YOD1: variants seen among roughly 807,000 people sequenced by gnomAD.
YOD1 encodes ubiquitin thioesterase OTU1.
Under a neutral mutation model 23.7 loss-of-function variants are expected in YOD1, and 17 were observed. The ratio of observed to expected loss-of-function variants is 0.72; its 90% CI spans 0.49 to 1.07. The LOEUF is 1.07. YOD1 is among the 50% of genes least tolerant of loss of function. The pLI, the probability that YOD1 is intolerant of heterozygous loss-of-function variation, is 0.00. For missense variants in YOD1, 413 were observed against 447.2 expected (o/e 0.92, Z 0.69); for synonymous variants, 191 against 169.6 (o/e 1.13, Z -0.98).
At chr1:207,050,580 G>GC (rs1178261956) in intron 1 of YOD1, 108 bp downstream of exon 1, 29 of 1,468,966 alleles carry the variant, frequency 2.0e-5, no homozygotes, top group African/African-American at 2.8e-5. Flanking sequence ...TGGCCTCAAA[G>GC]CCCCCCCGCC....
rs1682533154 is a variant in YOD1 at position 207,043,986 on chromosome 1, G to C, written c.*5034C>G. On this transcript the variant is annotated 3_prime_UTR_variant, in exon 2 of 2. Transcript: ENST00000315927. ...TCACATAAGAGTTGTAGAAAATGAA[G>C]TTAGACATCTTCCAGGTAGCAGCAG... The C allele has an allele frequency of 1.3e-5, 2 of 152,596 alleles. No homozygotes were observed. The highest frequency in any genetic ancestry group is 4.8e-5 in the African/African-American group (2 of 41,456). The allele number at this position is 152,596 out of a possible 1,614,324, so 9.5% of individuals were successfully genotyped here. A position where few individuals can be genotyped will look rare whatever the true frequency, so the allele number is the denominator to read the frequency against.
intron 1 of YOD1, 90 bp downstream of exon 1, chr1:207,050,598 A>AG (rs1415101976): frequency 6.4e-7 from 1 of 1,560,842 alleles, no homozygotes; most frequent in Non-Finnish European, 8.7e-7. Context: ...GCCGACTCAC[A>AG]GCCACCTTGC....
chr1:207,052,625 C>T (rs1432393530), upstream of YOD1, among the ~76,000 whole-genome samples: 1 of 152,144 alleles, frequency 6.6e-6, no homozygotes, highest in South Asian at 2.1e-4. Flanking sequence ...GCACTCCAGC[C>T]TGGGCAACAA....
chr1:207,049,628 G>A lies in YOD1; in HGVS notation c.439C>T (p.Pro147Ser), dbSNP rs767665086. The change falls in exon 2 of 2, where the codon CCT (proline) becomes TCT (serine). Residue 147 changes from proline (P) to serine (S), a missense_variant. Physicochemically the swap from Pro to Ser is moderately conservative, Grantham distance 74. Transcript: ENST00000315927. ...GASSYVRETL[P>S]VLTRTVVPAD... ...GGGACCACGGTTCTGGTAAGCACAG[G>A]CAAAGTTTCCCTGACGTAACTAGAA... 2.5e-6 allele frequency: 4 copies of A among 1,614,152 alleles called. No individual in the cohort carries two copies. The highest frequency in any genetic ancestry group is 1.7e-6 in the Non-Finnish European group (2 of 1,180,036).
chr1:207,052,182 C>T (rs1682768564), upstream of YOD1: 6 of 1,612,604 alleles, frequency 3.7e-6, no homozygotes, highest in African/African-American at 2.7e-5. Context: ...GGTGCAAACT[C>T]ACCTCCACTG....
chr1:207,051,241 C>T (rs950586700), upstream of YOD1, among the ~76,000 whole-genome samples: 1 of 152,106 alleles, frequency 6.6e-6, no homozygotes, highest in African/African-American at 2.4e-5. Context: ...CATATATGCT[C>T]AAGAAAAGAG....
chr1:207,051,150 G>T lies in YOD1; in HGVS notation c.-120C>A. 1 of 1,421,110 alleles carries T rather than the reference G, an allele frequency of 7.0e-7. No homozygotes were observed. The highest frequency in any genetic ancestry group is 9.2e-7 in the Non-Finnish European group (1 of 1,092,714). The allele number at this position is 1,421,110 out of a possible 1,614,324, so 88.0% of individuals were successfully genotyped here. A position where few individuals can be genotyped will look rare whatever the true frequency, so the allele number is the denominator to read the frequency against. On this transcript the variant is annotated 5_prime_UTR_variant, in exon 1 of 2. Coordinates refer to ENST00000315927, the MANE Select transcript of YOD1 (RefSeq NM_018566.4). ...CTGATTTTTCCCCCACCCTCAGAAC[G>T]AAGATGTAAACCTCCGTATTCCTAA...
Position 207,049,315 on chromosome 1 carries a change from TC to T in YOD1, c.751del (p.Glu251LysfsTer33). ...TQTVRIDRFG[E>X]DAGYTKRVLL... Reference sequence around the variant, plus strand: ...AACCCTTTTGGTATATCCTGCATCTTCCCCAAAACGATCAATTCTTACTGTC... The same window carrying T: ...AACCCTTTTGGTATATCCTGCATCTTCCCAAAACGATCAATTCTTACTGTC... On this transcript the variant is annotated frameshift_variant, in exon 2 of 2. Coordinates refer to ENST00000315927, the MANE Select transcript of YOD1 (RefSeq NM_018566.4). LOFTEE classifies it high-confidence loss of function. 6.2e-7 allele frequency: 1 copy of T among 1,614,104 alleles called. No individual in the cohort carries two copies. The highest frequency in any genetic ancestry group is 8.5e-7 in the Non-Finnish European group (1 of 1,180,022).
chr1:207,051,204 C>T lies in YOD1; in HGVS notation c.-174G>A, dbSNP rs1415631744. On this transcript the variant is annotated 5_prime_UTR_variant, in exon 1 of 2. Transcript: ENST00000315927. Reference sequence around the variant, plus strand: ...ACAACGGGTCTTGCTACCTATAGAGCGAGTGAGGTGCCCTCCGCGTGGGTA... The same window carrying T: ...ACAACGGGTCTTGCTACCTATAGAGTGAGTGAGGTGCCCTCCGCGTGGGTA... 5 of 1,275,118 alleles carry T rather than the reference C, an allele frequency of 3.9e-6. No individual in the cohort carries two copies. In the African/African-American group the frequency reaches 7.7e-5, roughly 20 times the overall value. The allele number at this position is 1,275,118 out of a possible 1,614,324, so 79.0% of individuals were successfully genotyped here.
rs1480680924 is a variant in YOD1 at position 207,044,437 on chromosome 1, A to G, written c.*4583T>C. Reference sequence around the variant, plus strand: ...TAAGTAACTTACGGGCTAATTACATAGCCTATACCAGTTTATAAAGTAGAC... The same window carrying G: ...TAAGTAACTTACGGGCTAATTACATGGCCTATACCAGTTTATAAAGTAGAC... On this transcript the variant is annotated 3_prime_UTR_variant, in exon 2 of 2. Transcript: ENST00000315927. 2 of 152,580 alleles carry G rather than the reference A, an allele frequency of 1.3e-5. No homozygotes were observed. The highest frequency in any genetic ancestry group is 2.9e-5 in the Non-Finnish European group (2 of 67,976). The allele number at this position is 152,580 out of a possible 1,614,324, so 9.5% of individuals were successfully genotyped here. A position where few individuals can be genotyped will look rare whatever the true frequency, so the allele number is the denominator to read the frequency against.
chr1:207,048,957 T>C lies in YOD1; in HGVS notation c.*63A>G, dbSNP rs1682663942. 2.0e-6 allele frequency: 3 copies of C among 1,465,864 alleles called. No individual in the cohort carries two copies. Among genetic ancestry groups the C allele is most frequent in the South Asian group, 1.3e-5 (1 of 77,082 alleles). The allele number at this position is 1,465,864 out of a possible 1,614,324, so 90.8% of individuals were successfully genotyped here. ...GTTCTTTAGGGTTACCATAGCTTAT[T>C]GGAAAACCCAGAGCCTTCTGGATGT... On this transcript the variant is annotated 3_prime_UTR_variant, in exon 2 of 2. Transcript: ENST00000315927.
In YOD1 at chr1:207,048,976, T is replaced by G; in HGVS notation, c.*44A>C. Reference sequence around the variant, plus strand: ...GCTTATTGGAAAACCCAGAGCCTTCTGGATGTGTGAGGTAGTAGGCTTCAA... The same window carrying G: ...GCTTATTGGAAAACCCAGAGCCTTCGGGATGTGTGAGGTAGTAGGCTTCAA... On this transcript the variant is annotated 3_prime_UTR_variant, in exon 2 of 2. Coordinates refer to ENST00000315927, the MANE Select transcript of YOD1 (RefSeq NM_018566.4). The G allele has an allele frequency of 2.6e-6, 4 of 1,558,398 alleles. 1 individual carries two copies. Among genetic ancestry groups the G allele is most frequent in the Non-Finnish European group, 3.5e-6 (4 of 1,144,788 alleles).
At position 207,049,558 on chromosome 1, in the gene YOD1, T is replaced by TCGA; in HGVS notation, c.506_508dup (p.Val169dup). The TCGA allele has an allele frequency of 1.2e-6, 2 of 1,614,202 alleles. No homozygotes were observed. The highest frequency in any genetic ancestry group is 1.7e-6 in the Non-Finnish European group (2 of 1,180,046). The stretch of plus-strand genomic sequence containing the variant: ...ACAAGCTGGATTCAAGACTCCTCCT[T>TCGA]CGACGACATAGTACACACTAGTAAA... On this transcript the variant is annotated inframe_insertion, in exon 2 of 2. Transcript: ENST00000315927.
Position 207,051,087 on chromosome 1 carries a change from T to C in YOD1, c.-57A>G, listed in dbSNP as rs1194437048. 4 of 1,444,734 alleles carry C rather than the reference T, an allele frequency of 2.8e-6. No individual in the cohort carries two copies. Among genetic ancestry groups the C allele is most frequent in the Admixed American group, 5.6e-5 (2 of 35,914 alleles). 89.5% of individuals were successfully genotyped at this position (1,444,734 alleles called of 1,614,324 possible). A position where few individuals can be genotyped will look rare whatever the true frequency, so the allele number is the denominator to read the frequency against. On this transcript the variant is annotated 5_prime_UTR_variant, in exon 1 of 2. Coordinates refer to ENST00000315927, the MANE Select transcript of YOD1 (RefSeq NM_018566.4). The stretch of plus-strand genomic sequence containing the variant: ...CGACGCTTCGGTGCGGCTTCTGCCT[T>C]AGTACCTTAGCAAGCGCGAACTCTT...
chr1:207,048,167 T>C lies in YOD1; in HGVS notation c.*853A>G, dbSNP rs985578426. ...TGCTTAACTTTAAAATGTTATCCAA[T>C]GTGACAAAGACCAATACATGAATTG... On this transcript the variant is annotated 3_prime_UTR_variant, in exon 2 of 2. Coordinates refer to ENST00000315927, the MANE Select transcript of YOD1 (RefSeq NM_018566.4). 2.7e-4 allele frequency: 41 copies of C among 152,650 alleles called. No homozygotes were observed. The highest frequency in any genetic ancestry group is 8.4e-4 in the African/African-American group (35 of 41,462). The allele number at this position is 152,650 out of a possible 1,614,324, so 9.5% of individuals were successfully genotyped here. A position where few individuals can be genotyped will look rare whatever the true frequency, so the allele number is the denominator to read the frequency against.
At position 207,050,778 on chromosome 1, in the gene YOD1, C is replaced by A. The variant is rs568508283; in HGVS notation, c.253G>T (p.Gly85Cys). The A allele has an allele frequency of 8.2e-5, 132 of 1,613,320 alleles. No individual in the cohort carries two copies. Among genetic ancestry groups the A allele is most frequent in the Non-Finnish European group, 9.7e-5 (115 of 1,180,014 alleles). The stretch of plus-strand genomic sequence containing the variant: ...TATCCGACGAGGATTCGCTGACCGC[C>A]GGGGGCGATCCCGGTGATGGCGGCA... ...QIAAITGIAP[G>C]GQRILVGYPP... Residue 85 changes from glycine (G) to cysteine (C), a missense_variant, in exon 1 of 2, where the codon GGC becomes TGC. Coordinates refer to ENST00000315927, the MANE Select transcript of YOD1 (RefSeq NM_018566.4).
Position 207,045,513 on chromosome 1 carries a change from T to TA in YOD1, c.*3506_*3507insT, listed in dbSNP as rs1682578069. The TA allele has an allele frequency of 6.6e-6, 1 of 152,394 alleles. No homozygotes were observed. The allele number at this position is 152,394 out of a possible 1,614,324, so 9.4% of individuals were successfully genotyped here. On this transcript the variant is annotated 3_prime_UTR_variant, in exon 2 of 2. Transcript: ENST00000315927. ...CATGTAAACTTTTATTCCATATATATTTTTTAAAGTGCTGCAAACAAATGT... is the reference window on the plus strand; with the variant it reads ...CATGTAAACTTTTATTCCATATATATATTTTTAAAGTGCTGCAAACAAATGT...
In YOD1 at chr1:207,047,954, T is replaced by C. The variant is rs1440503239; in HGVS notation, c.*1066A>G. 1.3e-5 allele frequency: 2 copies of C among 151,984 alleles called. No individual in the cohort carries two copies. The highest frequency in any genetic ancestry group is 1.3e-4 in the Admixed American group (2 of 15,266). 9.4% of individuals were successfully genotyped at this position (151,984 alleles called of 1,614,324 possible). ...ATAAGGCTAGCACAAAAGCAAACAC[T>C]CTTTAGGTGTGCAAAAAATCTTACA... On this transcript the variant is annotated 3_prime_UTR_variant, in exon 2 of 2. Coordinates refer to ENST00000315927, the MANE Select transcript of YOD1 (RefSeq NM_018566.4).
chr1:207,051,388 A>G (rs1682749584), upstream of YOD1, among the ~76,000 whole-genome samples: 1 of 152,226 alleles, frequency 6.6e-6, no homozygotes, highest in African/African-American at 2.4e-5. Flanking sequence ...ATAGTTCACA[A>G]CGCAAACGAA....
Sources: gnomAD v4.1 joint callset for allele counts (sites outside exome capture counted in the v4.1 genomes callset) on GRCh38, gnomAD v4.1.1 for gene constraint, MANE v1.5 for transcripts, NCBI Gene and HGNC (gene_info 2026-07-23, HGNC 2026-07-21) for gene names.